Variants in TBC1D16 observed in about 807,000 individuals in gnomAD.
TBC1D16 encodes the protein CTD-2529O21.1.
Under a neutral mutation model 74.7 loss-of-function variants are expected in TBC1D16, and 58 were observed. That is an observed-to-expected ratio of 0.78 (90% CI 0.63 to 0.97). The LOEUF (loss-of-function observed/expected upper bound fraction) is 0.97. Ranked by LOEUF, TBC1D16 falls within the 50% of genes least tolerant of loss-of-function variation. TBC1D16 has a pLI of 0.00. For synonymous variants in TBC1D16, 493 were observed against 474.7 expected (o/e 1.04, Z -0.50); for missense variants, 1,014 against 1,079.5 (o/e 0.94, Z 0.85).
At chr17:79,946,069 C>G (rs1181335016) in intron 9 of TBC1D16, among the ~76,000 whole-genome samples, 1 of 152,246 alleles carries the variant, frequency 6.6e-6, no homozygotes, top group African/African-American at 2.4e-5. Context: ...CCTGCTTGGG[C>G]TCCTTTGCCT....
At chr17:79,960,638 C>G (rs564906572) in intron 3 of TBC1D16, among the ~76,000 whole-genome samples, 28 of 151,884 alleles carry the variant, frequency 1.8e-4, no homozygotes, top group Admixed American at 1.7e-3. Flanking sequence ...CCTCTGTTAT[C>G]CCAGCTACTC....
intron 3 of TBC1D16, among the ~76,000 whole-genome samples, chr17:79,995,237 T>C (rs2035223999): frequency 6.6e-6 from 1 of 151,482 alleles, no homozygotes. Flanking sequence ...GAGGCGGAGG[T>C]TGCAGTGAGC....
At chr17:79,947,241 T>A (rs1036721539) in intron 9 of TBC1D16, among the ~76,000 whole-genome samples, 1 of 152,124 alleles carries the variant, frequency 6.6e-6, no homozygotes, top group African/African-American at 2.4e-5. Context: ...CTCCTCTTCC[T>A]GTCTGCACTC....
intron 6 of TBC1D16, 109 bp from the exon 7 acceptor site, chr17:79,949,974 A>T (rs1008918975): frequency 1.7e-5 from 22 of 1,326,602 alleles, no homozygotes; most frequent in East Asian, 2.5e-5. Context: ...CTTGATTCAG[A>T]TCTCTGCAAT....
chr17:79,973,511 C>T (rs1568601651), intron 3 of TBC1D16, among the ~76,000 whole-genome samples: 1 of 152,178 alleles, frequency 6.6e-6, no homozygotes, highest in Non-Finnish European at 1.5e-5. Flanking sequence ...AGATCAAGAC[C>T]ATCCTGTCTA....
At chr17:80,019,690 C>T (rs2143066866) in intron 1 of TBC1D16, among the ~76,000 whole-genome samples, 1 of 149,718 alleles carries the variant, frequency 6.7e-6, no homozygotes, top group East Asian at 1.9e-4. Flanking sequence ...AGTTATGAAA[C>T]ACACTCAGAG....
chr17:80,017,939 A>T (rs72848437), intron 1 of TBC1D16, among the ~76,000 whole-genome samples: 11,775 of 152,194 alleles, frequency 0.077, 478 homozygotes, highest in Non-Finnish European at 0.091. Context: ...AAACTTAATT[A>T]AAAAAATCAC....
In TBC1D16 at chr17:79,949,103, C is replaced by G. The variant is rs554710495; in HGVS notation, c.1407-97G>C. 3.9e-6 allele frequency: 6 copies of G among 1,539,804 alleles called. No individual in the cohort carries two copies. The African/African-American group carries it at 5.4e-5, about 14-fold the overall frequency. Reference sequence around the variant, plus strand: ...AGGAAGCCACCCTTCCTCCCAACCCCCGTTCCCTGGACGGGAGCTGGGCGG... The same window carrying G: ...AGGAAGCCACCCTTCCTCCCAACCCGCGTTCCCTGGACGGGAGCTGGGCGG... On this transcript the variant is annotated intron_variant, in intron 7 of 11. Coordinates refer to ENST00000310924, the MANE Select transcript of TBC1D16 (RefSeq NM_019020.4).
rs1248092059 is a variant in TBC1D16, at chr17:80,010,540, G to T, written c.399C>A (p.Thr133=). 1 of 1,610,286 alleles carries T rather than the reference G, an allele frequency of 6.2e-7. No individual in the cohort carries two copies. Among genetic ancestry groups the T allele is most frequent in the Non-Finnish European group, 8.5e-7 (1 of 1,178,760 alleles). ...HQPSPTELRP[T]LTPKDEDILV... Reference sequence around the variant, plus strand: ...GGATGTCCTCATCTTTGGGGGTCAGGGTAGGCCGCAGCTCCGTCGGGGAGG... The same window carrying T: ...GGATGTCCTCATCTTTGGGGGTCAGTGTAGGCCGCAGCTCCGTCGGGGAGG... The change falls in exon 3 of 12, where the codon ACC becomes ACA. Residue 133 remains threonine (T), a synonymous_variant. Coordinates refer to ENST00000310924, the MANE Select transcript of TBC1D16 (RefSeq NM_019020.4). This position sits in a 1 kb window ranked among gnomAD's most constrained non-coding sequence, Gnocchi z 8.8.
chr17:80,025,096 CACCAT>C (rs67881928), intron 1 of TBC1D16, among the ~76,000 whole-genome samples: 9,684 of 90,546 alleles, frequency 0.11, 4,303 homozygotes, highest in Middle Eastern at 0.14. Context: ...GACACACACA[CACCAT>C]ATACACACAA....
intron 3 of TBC1D16, among the ~76,000 whole-genome samples, chr17:79,982,287 C>T (rs2034620605): frequency 6.6e-6 from 1 of 151,648 alleles, no homozygotes. Flanking sequence ...GCTGGAATTA[C>T]ATGCGCCCGC....
At position 80,010,610 on chromosome 17, in the gene TBC1D16, C is replaced by T. The variant is rs138397034; in HGVS notation, c.329G>A (p.Arg110His). 3.8e-6 allele frequency: 6 copies of T among 1,583,488 alleles called. No homozygotes were observed. The African/African-American group carries it at 4.1e-5, about 11-fold the overall frequency. ...GCTCCGGGTGCGCCGGCCCCGAGGG[C>T]GGGGTGCCTTGCGAACGGGGGAGCT... ...PESSPVRKAP[R>H]PRGRRTRSSG... The change falls in exon 3 of 12, where the codon CGC (arginine) becomes CAC (histidine). Residue 110 changes from arginine to histidine, a missense_variant. Coordinates refer to ENST00000310924, the MANE Select transcript of TBC1D16 (RefSeq NM_019020.4). This position sits in a 1 kb window ranked among gnomAD's most constrained non-coding sequence, Gnocchi z 8.8.
intron 3 of TBC1D16, among the ~76,000 whole-genome samples, chr17:79,972,510 C>T (rs931123969): frequency 6.6e-6 from 1 of 152,170 alleles, no homozygotes; most frequent in Non-Finnish European, 1.5e-5. Flanking sequence ...ACACAGGCTA[C>T]AGCATGAATG....
rs1163630630 is a variant in TBC1D16 at position 79,994,239 on chromosome 17, G to C, written c.779+15921C>G. ...CATCTCTTTAGAATCCAGCTCCCTT[G>C]GGGGACATACCTGGCTGGTGACTTC... On this transcript the variant is annotated intron_variant, in intron 3 of 11. Transcript: ENST00000310924. This position sits in a 1 kb window ranked among gnomAD's most constrained non-coding sequence, Gnocchi z 4.6. Among the ~76,000 whole-genome samples the C allele has an allele frequency of 6.6e-6, 1 of 151,594 alleles. No individual in the cohort carries two copies. Among genetic ancestry groups the C allele is most frequent in the Non-Finnish European group, 1.5e-5 (1 of 67,960 alleles).
intron 3 of TBC1D16, among the ~76,000 whole-genome samples, chr17:79,995,433 C>CAATA (rs963496434): frequency 2.2e-4 from 33 of 152,054 alleles, no homozygotes; most frequent in African/African-American, 6.8e-4. Flanking sequence ...CATCCATAGG[C>CAATA]AATAAATAAA....
chr17:80,001,892 G>A lies in TBC1D16; in HGVS notation c.779+8268C>T, dbSNP rs375053035. Among the ~76,000 whole-genome samples the A allele has an allele frequency of 3.4e-5, 5 of 147,428 alleles. No homozygotes were observed. The highest frequency in any genetic ancestry group is 1.0e-4 in the African/African-American group (4 of 40,026). ...TCCTCATCCCCTGCTTTGTGTCCCCGTCTCCTGCTCCAGGCTCTGATTTGC... is the reference window on the plus strand; with the variant it reads ...TCCTCATCCCCTGCTTTGTGTCCCCATCTCCTGCTCCAGGCTCTGATTTGC... On this transcript the variant is annotated intron_variant, in intron 3 of 11. Transcript: ENST00000310924. This position sits in a 1 kb window ranked among gnomAD's most constrained non-coding sequence, Gnocchi z 5.8.
rs2031524046 is a variant in TBC1D16, at chr17:79,935,441, C to G, written c.*5418G>C. On this transcript the variant is annotated 3_prime_UTR_variant, in exon 12 of 12. Coordinates refer to ENST00000310924, the MANE Select transcript of TBC1D16 (RefSeq NM_019020.4). Reference sequence around the variant, plus strand: ...AGCCTCCCAGGACCCTCAGTCCCCACAGCCCCCATCCAGCTCTCTTTTACA... The same window carrying G: ...AGCCTCCCAGGACCCTCAGTCCCCAGAGCCCCCATCCAGCTCTCTTTTACA... 6.6e-6 allele frequency: 1 copy of G among 152,338 alleles called. No individual in the cohort carries two copies. Among genetic ancestry groups the G allele is most frequent in the South Asian group, 2.1e-4 (1 of 4,838 alleles). 9.4% of individuals were successfully genotyped at this position (152,338 alleles called of 1,614,324 possible). A position where few individuals can be genotyped will look rare whatever the true frequency, so the allele number is the denominator to read the frequency against.
At chr17:80,017,420 G>A (rs531985708) in intron 1 of TBC1D16, among the ~76,000 whole-genome samples, 4 of 152,142 alleles carry the variant, frequency 2.6e-5, no homozygotes, top group East Asian at 1.9e-4. Context: ...GGTGGCTCAC[G>A]CCTGTAATCT....
rs774471442 is a variant in TBC1D16 at position 79,990,541 on chromosome 17, T to C, written c.779+19619A>G. ...ACGTGCACCAGTCTCACAGTCCCAG[T>C]CACCTTAAAAGGTCTTAACTGATTT... On this transcript the variant is annotated intron_variant, in intron 3 of 11. Transcript: ENST00000310924. This position sits in a 1 kb window ranked among gnomAD's most constrained non-coding sequence, Gnocchi z 4.8. 1.3e-5 allele frequency among the ~76,000 whole-genome samples: 2 copies of C among 152,256 alleles called. No homozygotes were observed. The highest frequency in any genetic ancestry group is 2.9e-5 in the Non-Finnish European group (2 of 68,044).
Sources: gnomAD v4.1 joint callset for allele counts (sites outside exome capture counted in the v4.1 genomes callset) on GRCh38, gnomAD v4.1.1 for gene constraint, Gnocchi (gnomAD v3.1) non-coding constraint, MANE v1.5 for transcripts, NCBI Gene and HGNC (gene_info 2026-07-23, HGNC 2026-07-21) for gene names.